Variants in SEC22C observed in about 807,000 individuals in gnomAD.
SEC22C encodes the protein SEC22 homolog C, vesicle trafficking protein, also known as vesicle-trafficking protein SEC22c.
Under a neutral mutation model 34.7 loss-of-function variants are expected in SEC22C, and 29 were observed. The observed-to-expected ratio is 0.84, with a 90% CI of 0.62 to 1.14. SEC22C has a LOEUF of 1.14. Among genes scored for constraint, SEC22C ranks in the 50% most tolerant of loss-of-function variants. SEC22C has a pLI of 0.00. For synonymous variants in SEC22C, 117 were observed against 132.8 expected (o/e 0.88, Z 0.82); for missense variants, 337 against 369.0 (o/e 0.91, Z 0.71).
chr3:42,555,868 G>T, intron 6 of SEC22C, 62 bp downstream of exon 6: 1 of 1,317,930 alleles, frequency 7.6e-7, no homozygotes, highest in South Asian at 1.2e-5. Context: ...GCTGATAGAT[G>T]AACAGAAGAA....
At chr3:42,586,423 A>G (rs889287901), upstream of SEC22C, among the ~76,000 whole-genome samples, 24 of 152,160 alleles carry the variant, frequency 1.6e-4, no homozygotes, top group African/African-American at 5.5e-4. Context: ...GGGTTTCAAC[A>G]TGTTAGCCAG....
chr3:42,551,401 G>A lies in SEC22C; in HGVS notation c.*1847C>T. The A allele has an allele frequency of 1.1e-6, 1 of 929,788 alleles. No individual in the cohort carries two copies. Among genetic ancestry groups the A allele is most frequent in the Non-Finnish European group, 1.3e-6 (1 of 779,246 alleles). The allele number at this position is 929,788 out of a possible 1,614,324, so 57.6% of individuals were successfully genotyped here. On this transcript the variant is annotated 3_prime_UTR_variant, in exon 7 of 7. Transcript: ENST00000264454. The stretch of plus-strand genomic sequence containing the variant: ...CTGTCATGCAGGCTGGGGTGCAGTG[G>A]TGTGATTATAGCTCATGGAAGCCTC...
rs568845408 is a variant in SEC22C, at chr3:42,588,167, G to T, written c.-28+12793C>A. Among the ~76,000 whole-genome samples the T allele has an allele frequency of 3.3e-5, 5 of 152,040 alleles. No homozygotes were observed. The South Asian group carries it at 1.0e-3, about 32-fold the overall frequency. On this transcript the variant is annotated intron_variant, in intron 1 of 6. Transcript: ENST00000417572. Reference sequence around the variant, plus strand: ...GCCTGTAATCCCAGCACTTTGGGAGGCCGAGGCAGACAGATCATGAGGTCA... The same window carrying T: ...GCCTGTAATCCCAGCACTTTGGGAGTCCGAGGCAGACAGATCATGAGGTCA...
intron 1 of SEC22C, chr3:42,600,543 CCCCCGTGCGTACG>C (rs1705267482): frequency 1.2e-5 from 1 of 82,136 alleles, no homozygotes; most frequent in Non-Finnish European, 2.3e-5. Context: ...CCCAGACACG[CCCCCGTGCGTACG>C]CCCCCGTGCG....
chr3:42,600,696 C>A, intron 1 of SEC22C: 1 of 235,500 alleles, frequency 4.2e-6, no homozygotes, highest in Non-Finnish European at 8.2e-6. Context: ...GACGGCGTTC[C>A]GTTAGCGGCG....
intron 3 of SEC22C, among the ~76,000 whole-genome samples, chr3:42,561,894 G>A (rs1702939344): frequency 6.6e-6 from 1 of 151,950 alleles, no homozygotes; most frequent in Non-Finnish European, 1.5e-5. Flanking sequence ...ATGCGTCTTA[G>A]CCCCTTACCA....
chr3:42,558,503 A>G (rs1050933491), intron 4 of SEC22C, among the ~76,000 whole-genome samples: 51 of 150,540 alleles, frequency 3.4e-4, no homozygotes, highest in Non-Finnish European at 5.9e-4. Context: ...AAAAAAAAAA[A>G]AGTTCAGGCA....
chr3:42,585,392 C>T (rs1367288169), upstream of SEC22C, among the ~76,000 whole-genome samples: 1 of 152,184 alleles, frequency 6.6e-6, no homozygotes, highest in East Asian at 1.9e-4. Flanking sequence ...TTCAGTCCTC[C>T]ACTCCTAGGG....
intron 1 of SEC22C, among the ~76,000 whole-genome samples, chr3:42,569,544 T>C (rs745919845): frequency 1.4e-4 from 21 of 152,204 alleles, no homozygotes; most frequent in Admixed American, 5.9e-4. Flanking sequence ...TTAGCTGCCA[T>C]ATCCTCACTT....
At chr3:42,564,708 C>A (rs1288566593) in intron 2 of SEC22C, among the ~76,000 whole-genome samples, 2 of 152,176 alleles carry the variant, frequency 1.3e-5, no homozygotes, top group East Asian at 1.9e-4. Context: ...CACCTATCAC[C>A]ATTCCATTAG....
intron 1 of SEC22C, chr3:42,579,607 C>CAAAAAAAAAA (rs1279147159): frequency 2.3e-5 from 2 of 85,784 alleles, no homozygotes; most frequent in Admixed American, 1.2e-4. Context: ...TCTCAAAAAA[C>CAAAAAAAAAA]AAAAAAAAAA....
Position 42,552,290 on chromosome 3 carries a change from A to T in SEC22C, c.*958T>A. 1 of 985,438 alleles carries T rather than the reference A, an allele frequency of 1.0e-6. No homozygotes were observed. The highest frequency in any genetic ancestry group is 1.2e-6 in the Non-Finnish European group (1 of 829,926). 61.0% of individuals were successfully genotyped at this position (985,438 alleles called of 1,614,324 possible). ...AATTAATTTTGGAGGCGCTCTGGGAACAGGTACACAGGGTACAGTAGTCAT... is the reference window on the plus strand; with the variant it reads ...AATTAATTTTGGAGGCGCTCTGGGATCAGGTACACAGGGTACAGTAGTCAT... On this transcript the variant is annotated 3_prime_UTR_variant, in exon 7 of 7. Transcript: ENST00000264454.
At chr3:42,592,198 C>A (rs1425146576) in intron 1 of SEC22C, among the ~76,000 whole-genome samples, 1 of 151,716 alleles carries the variant, frequency 6.6e-6, no homozygotes, top group South Asian at 2.1e-4. Flanking sequence ...CCATTTTTTT[C>A]TTTTCTTTTT....
intron 4 of SEC22C, among the ~76,000 whole-genome samples, chr3:42,559,540 G>A (rs1702745576): frequency 6.6e-6 from 1 of 152,214 alleles, no homozygotes; most frequent in African/African-American, 2.4e-5. Context: ...TGGAATGAGA[G>A]CCAATCCAAG....
chr3:42,566,012 G>A lies in SEC22C; in HGVS notation c.183-2326C>T, dbSNP rs144837932. On this transcript the variant is annotated intron_variant, in intron 2 of 6. Coordinates refer to ENST00000264454, the MANE Select transcript of SEC22C (RefSeq NM_032970.4). ...ACTGAAGTATCCAGGATTTAAATCT[G>A]AAGTCTTAGACTTCTTTTTTCTGTG... 597 of 408,388 alleles carry A rather than the reference G, an allele frequency of 1.5e-3. 2 individuals carry two copies. Among genetic ancestry groups the A allele is most frequent in the Non-Finnish European group, 1.8e-3 (371 of 209,598 alleles). 25.3% of individuals were successfully genotyped at this position (408,388 alleles called of 1,614,324 possible).
intron 6 of SEC22C, 141 bp from the exon 7 acceptor site, chr3:42,553,589 C>T (rs866448071): frequency 3.2e-6 from 4 of 1,264,782 alleles, no homozygotes; most frequent in African/African-American, 3.0e-5. Context: ...TACAGTAAAG[C>T]GTGGACCCAC....
chr3:42,558,393 T>A (rs1373713227), intron 4 of SEC22C, among the ~76,000 whole-genome samples: 1 of 142,216 alleles, frequency 7.0e-6, no homozygotes, highest in African/African-American at 2.7e-5. Flanking sequence ...GAGGCTGAGG[T>A]GGGAGGATCA....
intron 2 of SEC22C, chr3:42,566,864 T>C (rs1474140137): frequency 5.0e-6 from 2 of 397,652 alleles, no homozygotes; most frequent in East Asian, 1.5e-4. Flanking sequence ...ATTAGCTGGG[T>C]ATAGTGGTGT....
intron 4 of SEC22C, among the ~76,000 whole-genome samples, chr3:42,559,991 T>A (rs550230945): frequency 1.4e-3 from 211 of 151,846 alleles, no homozygotes; most frequent in Non-Finnish European, 2.6e-3. Flanking sequence ...TTAGAAGCCC[T>A]GGCTCCAGCC....
Sources: allele counts gnomAD v4.1 joint callset (sites outside exome capture counted in the v4.1 genomes callset), GRCh38; gene constraint gnomAD v4.1.1; transcripts MANE v1.5; gene names NCBI Gene and HGNC (gene_info 2026-07-23, HGNC 2026-07-21).